The following NUDCD2 variants were observed in gnomAD, a reference collection of about 807,000 sequenced individuals.
NUDCD2 encodes the protein nudC domain-containing protein 2.
In NUDCD2, 16 loss-of-function variants were observed where a neutral mutation model predicts 20.8. The observed-to-expected ratio is 0.77, with a 90% CI of 0.52 to 1.17. The LOEUF (loss-of-function observed/expected upper bound fraction) is 1.17. Ranked by LOEUF, NUDCD2 falls within the 50% of genes most tolerant of loss-of-function variation. NUDCD2 has a pLI of 0.00. For synonymous variants in NUDCD2, 87 were observed against 72.8 expected (o/e 1.20, Z -1.00); for missense variants, 199 against 193.9 (o/e 1.03, Z -0.16).
At chr5:163,455,736 A>G (rs1429770964) in intron 3 of NUDCD2, among the ~76,000 whole-genome samples, 19 of 78,600 alleles carry the variant, frequency 2.4e-4, no homozygotes, top group East Asian at 9.7e-4. Flanking sequence ...TCCATCTCAG[A>G]AAAAAAAAAA....
intron 1 of NUDCD2, chr5:163,459,157 C>T (rs939287654): frequency 6.6e-6 from 1 of 152,130 alleles, no homozygotes; most frequent in African/African-American, 2.4e-5. Flanking sequence ...AAGTAGTCTC[C>T]CTTCACCATA....
chr5:163,454,195 A>G, intron 3 of NUDCD2, 145 bp from the exon 4 acceptor site: 1 of 440,302 alleles, frequency 2.3e-6, no homozygotes, highest in East Asian at 3.5e-5. Flanking sequence ...CCAAAGTAAT[A>G]TTTAAAATTA....
Position 163,459,927 on chromosome 5 carries a change from C to A in NUDCD2, c.124G>T (p.Asp42Tyr). 1 of 1,613,426 alleles carries A rather than the reference C, an allele frequency of 6.2e-7. No homozygotes were observed. The highest frequency in any genetic ancestry group is 8.5e-7 in the Non-Finnish European group (1 of 1,179,842). The stretch of plus-strand genomic sequence containing the variant: ...CGGCTCTGGAGGCCGCACTGGATAT[C>A]CTGGGCGCGCGTGCCTGGCGGCACC... ...VQVPPGTRAQ[D>Y]IQCGLQSRHV... The change falls in exon 1 of 4, where the codon GAT (aspartate) becomes TAT (tyrosine). Residue 42 changes from aspartate (D) to tyrosine (Y), a missense_variant. By Grantham distance (160) the Asp-to-Tyr change is radical. Transcript: ENST00000302764.
rs1195471447 is a variant in NUDCD2 at position 163,452,848 on chromosome 5, A to C, written c.*1119T>G. On this transcript the variant is annotated 3_prime_UTR_variant, in exon 4 of 4. Transcript: ENST00000302764. ...ATTGTCAAAAGTACTAAGTTGTAAAAGGAAACAAATGAGAATTTGTTCCAG... is the reference window on the plus strand; with the variant it reads ...ATTGTCAAAAGTACTAAGTTGTAAACGGAAACAAATGAGAATTTGTTCCAG... 12 of 152,240 alleles carry C rather than the reference A, an allele frequency of 7.9e-5. 1 individual carries two copies. The highest frequency in any genetic ancestry group is 7.8e-4 in the Admixed American group (12 of 15,290). 9.4% of individuals were successfully genotyped at this position (152,240 alleles called of 1,614,324 possible). A position where few individuals can be genotyped will look rare whatever the true frequency, so the allele number is the denominator to read the frequency against.
At chr5:163,454,620 C>T (rs1758256238) in intron 3 of NUDCD2, among the ~76,000 whole-genome samples, 2 of 152,182 alleles carry the variant, frequency 1.3e-5, no homozygotes, top group African/African-American at 2.4e-5. Flanking sequence ...GGATTACAGG[C>T]GTGAGCCATG....
At position 163,449,668 on chromosome 5, in the gene NUDCD2, C is replaced by T. The variant is rs996728834; in HGVS notation, c.*4299G>A. ...GGAATCATGCTGCCCAGTTTTAAGACTTACTATAAAGCTGTGATAATCAAG... is the reference window on the plus strand; with the variant it reads ...GGAATCATGCTGCCCAGTTTTAAGATTTACTATAAAGCTGTGATAATCAAG... On this transcript the variant is annotated 3_prime_UTR_variant, in exon 4 of 4. Coordinates refer to ENST00000302764, the MANE Select transcript of NUDCD2 (RefSeq NM_145266.6). 6 of 152,152 alleles carry T rather than the reference C, an allele frequency of 3.9e-5. No homozygotes were observed. The highest frequency in any genetic ancestry group is 7.2e-5 in the African/African-American group (3 of 41,438). The allele number at this position is 152,152 out of a possible 1,614,324, so 9.4% of individuals were successfully genotyped here.
intron 1 of NUDCD2, 36 bp downstream of exon 1, chr5:163,459,826 A>G: frequency 6.4e-7 from 1 of 1,553,804 alleles, no homozygotes. Context: ...GCGTCTGGGA[A>G]GAGGAAACTG....
intron 1 of NUDCD2, 68 bp downstream of exon 1, chr5:163,459,794 G>A (rs1394323238): frequency 1.4e-6 from 2 of 1,416,298 alleles, no homozygotes; most frequent in Non-Finnish European, 1.9e-6. Flanking sequence ...CCCAACAGTC[G>A]TTCAGGGAAA....
chr5:163,455,683 G>T (rs1032757552), intron 3 of NUDCD2, among the ~76,000 whole-genome samples: 1 of 150,962 alleles, frequency 6.6e-6, no homozygotes, highest in African/African-American at 2.4e-5. Flanking sequence ...AGACTGGCGG[G>T]AATCCGGGAG....
At chr5:163,459,817 C>A in intron 1 of NUDCD2, 45 bp downstream of exon 1, 3 of 1,523,456 alleles carry the variant, frequency 2.0e-6, no homozygotes, top group Non-Finnish European at 2.7e-6. Flanking sequence ...GGGCTGGGGG[C>A]GTCTGGGAAG....
rs1451074833 is a variant in NUDCD2 at position 163,452,715 on chromosome 5, A to G, written c.*1252T>C. 1 of 152,210 alleles carries G rather than the reference A, an allele frequency of 6.6e-6. No homozygotes were observed. Among genetic ancestry groups the G allele is most frequent in the Non-Finnish European group, 1.5e-5 (1 of 68,022 alleles). The allele number at this position is 152,210 out of a possible 1,614,324, so 9.4% of individuals were successfully genotyped here. A position where few individuals can be genotyped will look rare whatever the true frequency, so the allele number is the denominator to read the frequency against. Reference sequence around the variant, plus strand: ...GACAAACTGAAATTATTAAACAATGACAGGATGCACTTCTATCACATTCCT... The same window carrying G: ...GACAAACTGAAATTATTAAACAATGGCAGGATGCACTTCTATCACATTCCT... On this transcript the variant is annotated 3_prime_UTR_variant, in exon 4 of 4. Coordinates refer to ENST00000302764, the MANE Select transcript of NUDCD2 (RefSeq NM_145266.6).
rs929169283 is a variant in NUDCD2, at chr5:163,447,361, A to C, written c.*6606T>G. ...AGGTACTGAGGAGCCTGAGGTGGGAAGACTGTCTGAGCCCAGGAGTTTGAG... is the reference window on the plus strand; with the variant it reads ...AGGTACTGAGGAGCCTGAGGTGGGACGACTGTCTGAGCCCAGGAGTTTGAG... On this transcript the variant is annotated 3_prime_UTR_variant, in exon 4 of 4. Transcript: ENST00000302764. The C allele has an allele frequency of 6.6e-6, 1 of 151,808 alleles. No individual in the cohort carries two copies. Among genetic ancestry groups the C allele is most frequent in the Admixed American group, 6.6e-5 (1 of 15,212 alleles). The allele number at this position is 151,808 out of a possible 1,614,324, so 9.4% of individuals were successfully genotyped here.
chr5:163,457,222 C>A, intron 2 of NUDCD2, 142 bp from the exon 3 acceptor site: 1 of 860,510 alleles, frequency 1.2e-6, no homozygotes, highest in South Asian at 2.0e-5. Flanking sequence ...ACCTCCGCCC[C>A]CCGGGTTCAA....
chr5:163,458,218 T>G (rs1350800804), intron 1 of NUDCD2, among the ~76,000 whole-genome samples: 1 of 152,000 alleles, frequency 6.6e-6, no homozygotes, highest in African/African-American at 2.4e-5. Flanking sequence ...CCTGACCTTG[T>G]GATCCGCCCG....
rs1237187092 is a variant in NUDCD2 at position 163,446,593 on chromosome 5, A to G, written c.*7374T>C. ...TAACTTCTGTGCTGTCATCATGATC[A>G]TAGAATAATAACAACACTCAATTTA... On this transcript the variant is annotated 3_prime_UTR_variant, in exon 4 of 4. Coordinates refer to ENST00000302764, the MANE Select transcript of NUDCD2 (RefSeq NM_145266.6). 1.3e-5 allele frequency: 2 copies of G among 152,250 alleles called. No individual in the cohort carries two copies. Among genetic ancestry groups the G allele is most frequent in the Non-Finnish European group, 2.9e-5 (2 of 68,038 alleles). The allele number at this position is 152,250 out of a possible 1,614,324, so 9.4% of individuals were successfully genotyped here.
Position 163,457,054 on chromosome 5 carries a change from GA to G in NUDCD2, c.264del (p.Thr90GlnfsTer15). Reference protein sequence around the residue: ...TLEDRKMVRIVLTKTKRDAAN... With the variant: ...TLEDRKMVRIXLTKTKRDAAN... ...GCTGCATCTCTCTTTGTCTTTGTAA[GA>G]ACAATACGAACCATTTTTCTGTCCT... On this transcript the variant is annotated frameshift_variant, in exon 3 of 4. Transcript: ENST00000302764. LOFTEE classifies it high-confidence loss of function. The G allele has an allele frequency of 6.2e-7, 1 of 1,603,652 alleles. No individual in the cohort carries two copies. The highest frequency in any genetic ancestry group is 8.5e-7 in the Non-Finnish European group (1 of 1,176,310).
At position 163,448,291 on chromosome 5, in the gene NUDCD2, T is replaced by C. The variant is rs1221135282; in HGVS notation, c.*5676A>G. 6.6e-6 allele frequency: 1 copy of C among 151,206 alleles called. No individual in the cohort carries two copies. The highest frequency in any genetic ancestry group is 1.5e-5 in the Non-Finnish European group (1 of 67,798). The allele number at this position is 151,206 out of a possible 1,614,324, so 9.4% of individuals were successfully genotyped here. A position where few individuals can be genotyped will look rare whatever the true frequency, so the allele number is the denominator to read the frequency against. ...CTAATTTTTGAAAAGAGCAGTAAAA[T>C]TGATAAACCTCTGGCAAAATTGACA... On this transcript the variant is annotated 3_prime_UTR_variant, in exon 4 of 4. Transcript: ENST00000302764.
Position 163,452,542 on chromosome 5 carries a change from T to C in NUDCD2, c.*1425A>G, listed in dbSNP as rs146957810. 3 of 152,282 alleles carry C rather than the reference T, an allele frequency of 2.0e-5. No homozygotes were observed. The highest frequency in any genetic ancestry group is 3.9e-4 in the East Asian group (2 of 5,186). The allele number at this position is 152,282 out of a possible 1,614,324, so 9.4% of individuals were successfully genotyped here. A position where few individuals can be genotyped will look rare whatever the true frequency, so the allele number is the denominator to read the frequency against. ...AATAAAATAGAAAATAATGAGTTTA[T>C]AGAGATACGATAAATTTAAAGTCTG... On this transcript the variant is annotated 3_prime_UTR_variant, in exon 4 of 4. Coordinates refer to ENST00000302764, the MANE Select transcript of NUDCD2 (RefSeq NM_145266.6).
rs1758201262 is a variant in NUDCD2 at position 163,452,434 on chromosome 5, G to A, written c.*1533C>T. Reference sequence around the variant, plus strand: ...GGGAATGTGTCAGAAGGACACAGAGGCCACCCAGAATGGACTTCTACCAGC... The same window carrying A: ...GGGAATGTGTCAGAAGGACACAGAGACCACCCAGAATGGACTTCTACCAGC... On this transcript the variant is annotated 3_prime_UTR_variant, in exon 4 of 4. Transcript: ENST00000302764. 6.6e-6 allele frequency: 1 copy of A among 152,096 alleles called. No individual in the cohort carries two copies. The allele number at this position is 152,096 out of a possible 1,614,324, so 9.4% of individuals were successfully genotyped here. A position where few individuals can be genotyped will look rare whatever the true frequency, so the allele number is the denominator to read the frequency against.
Sources: gnomAD v4.1 joint callset for allele counts (sites outside exome capture counted in the v4.1 genomes callset) on GRCh38, gnomAD v4.1.1 for gene constraint, MANE v1.5 for transcripts, NCBI Gene and HGNC (gene_info 2026-07-23, HGNC 2026-07-21) for gene names.